ANKRD30B: variants seen among roughly 807,000 people sequenced by gnomAD.
ANKRD30B encodes ankyrin repeat domain-containing protein 30B.
ANKRD30B carries 144 observed loss-of-function variants against 202.2 expected under a neutral mutation model. That is an observed-to-expected ratio of 0.71 (90% confidence interval 0.62 to 0.82). The LOEUF is 0.82. Ranked by LOEUF, ANKRD30B falls within the 40% of genes least tolerant of loss-of-function variation. ANKRD30B has a pLI of 0.00. For missense variants in ANKRD30B, 1,487 were observed against 1,669.1 expected (o/e 0.89, Z 1.90); for synonymous variants, 508 against 561.3 (o/e 0.91, Z 1.34).
At chr18:14,861,476 G>A in the ANKRD30B span, among the ~76,000 whole-genome samples, 3 of 150,628 alleles carry the variant, frequency 2.0e-5, no homozygotes, top group African/African-American at 4.9e-5. Context: ...TGCTATTCTT[G>A]TATCAGATAA....
the ANKRD30B span, among the ~76,000 whole-genome samples, chr18:14,870,240 A>G: frequency 6.6e-6 from 1 of 152,218 alleles, no homozygotes; most frequent in Admixed American, 6.5e-5. Flanking sequence ...ATGGCCTCCC[A>G]AAGTGCTGAG....
At chr18:14,811,498 A>T (rs9676244) in intron 28 of ANKRD30B, among the ~76,000 whole-genome samples, 176 of 142,848 alleles carry the variant, frequency 1.2e-3, no homozygotes, top group East Asian at 2.5e-3. Context: ...GGCGTGAGCC[A>T]CCGCGCCCGG....
At chr18:14,934,674 G>C in the ANKRD30B span, among the ~76,000 whole-genome samples, 2 of 152,112 alleles carry the variant, frequency 1.3e-5, no homozygotes, top group African/African-American at 4.8e-5. Context: ...GGTCAGGGAG[G>C]GGCTGGCATG....
chr18:14,881,740 T>A, the ANKRD30B span, among the ~76,000 whole-genome samples: 2 of 152,050 alleles, frequency 1.3e-5, no homozygotes, highest in African/African-American at 4.8e-5. Context: ...CCTCGGCTTT[T>A]TTTTTTGGAA....
intron 9 of ANKRD30B, among the ~76,000 whole-genome samples, chr18:14,777,428 G>A (rs1447835134): frequency 6.6e-6 from 1 of 151,676 alleles, no homozygotes; most frequent in Non-Finnish European, 1.5e-5. Flanking sequence ...CTCCTGAGTA[G>A]CTGGGATTAC....
chr18:14,770,149 C>T (rs9303859), intron 8 of ANKRD30B, among the ~76,000 whole-genome samples: 148,868 of 152,212 alleles, frequency 0.98, 72,891 homozygotes, highest in Middle Eastern at 1. Flanking sequence ...TTCTATAATC[C>T]TTTCCTGATT....
the ANKRD30B span, among the ~76,000 whole-genome samples, chr18:14,903,208 C>G: frequency 6.6e-6 from 1 of 152,120 alleles, no homozygotes; most frequent in East Asian, 1.9e-4. Flanking sequence ...CCTTCACCCT[C>G]TGAAGGCTTG....
the ANKRD30B span, among the ~76,000 whole-genome samples, chr18:14,866,976 TC>T: frequency 0.98 from 142,070 of 145,648 alleles, 69,397 homozygotes; most frequent in Middle Eastern, 1. Context: ...TGGCAGGCAG[TC>T]CGGGGGTGCT....
At chr18:14,855,317 C>G (rs1972050157), downstream of ANKRD30B, among the ~76,000 whole-genome samples, 1 of 152,360 alleles carries the variant, frequency 6.6e-6, no homozygotes, top group East Asian at 1.9e-4. Context: ...TCTACACAGA[C>G]ACAGTAACAA....
chr18:14,769,681 A>G (rs1035670852), intron 8 of ANKRD30B, among the ~76,000 whole-genome samples: 2 of 152,206 alleles, frequency 1.3e-5, no homozygotes, highest in African/African-American at 4.8e-5. Flanking sequence ...CTCCCTCAGC[A>G]TAGATTGATG....
intron 36 of ANKRD30B, among the ~76,000 whole-genome samples, chr18:14,838,561 A>G (rs1470637069): frequency 2.0e-5 from 3 of 152,184 alleles, no homozygotes; most frequent in African/African-American, 4.8e-5. Context: ...TATGGCTGCC[A>G]TGTTTGCAGC....
At chr18:14,883,000 G>A in the ANKRD30B span, among the ~76,000 whole-genome samples, 4 of 152,138 alleles carry the variant, frequency 2.6e-5, no homozygotes, top group African/African-American at 9.7e-5. Context: ...AAAAACAATT[G>A]TAACTCTCTT....
chr18:14,934,908 C>CACACACACACACACACA, the ANKRD30B span, among the ~76,000 whole-genome samples: 1 of 134,602 alleles, frequency 7.4e-6, no homozygotes, highest in African/African-American at 3.0e-5. Context: ...CCTCCCTCTA[C>CACACACACACACACACA]CACACACACA....
At position 14,787,057 on chromosome 18, in the gene ANKRD30B, A is replaced by G. The variant is rs770759885; in HGVS notation, c.1691A>G (p.Glu564Gly). ...TLRAAQMFPS[E>G]SKQKDDEENS... ...TTTATAGCTCAGATGTTCCCATCAG[A>G]ATCCAAACAAAAGGACGATGAAGAA... Residue 564 changes from glutamate (E) to glycine (G), a missense_variant, in exon 15 of 44, where the codon GAA (glutamate) becomes GGA (glycine). Physicochemically the swap from Glu to Gly is moderately conservative, Grantham distance 98 (BLOSUM62 -2). This residue lies in a region of ANKRD30B where 889 missense variants were observed against 841.4 expected (regional missense o/e 1.06). Transcript: ENST00000690538. The G allele has an allele frequency of 6.2e-7, 1 of 1,609,864 alleles. No homozygotes were observed. The highest frequency in any genetic ancestry group is 1.1e-5 in the South Asian group (1 of 90,774).
chr18:14,799,762 T>A (rs965341902), intron 22 of ANKRD30B, among the ~76,000 whole-genome samples: 3 of 151,716 alleles, frequency 2.0e-5, no homozygotes, highest in Non-Finnish European at 2.9e-5. Flanking sequence ...TGTGTGTGTG[T>A]GACATATAAT....
chr18:14,916,286 AG>A, the ANKRD30B span, among the ~76,000 whole-genome samples: 1 of 152,148 alleles, frequency 6.6e-6, no homozygotes, highest in Admixed American at 6.5e-5. Context: ...CCCGTCAGGG[AG>A]GGGGCAGATG....
chr18:14,915,311 A>AAAG, the ANKRD30B span, among the ~76,000 whole-genome samples: 34 of 152,200 alleles, frequency 2.2e-4, no homozygotes. Flanking sequence ...CTGTCCAGAA[A>AAAG]AAGACACTGC....
chr18:14,896,416 C>A, the ANKRD30B span, among the ~76,000 whole-genome samples: 1 of 152,066 alleles, frequency 6.6e-6, no homozygotes, highest in East Asian at 1.9e-4. Context: ...TAGGGGTGAG[C>A]CACCGCGCCC....
At chr18:14,905,068 A>C in the ANKRD30B span, among the ~76,000 whole-genome samples, 1 of 152,208 alleles carries the variant, frequency 6.6e-6, no homozygotes, top group Non-Finnish European at 1.5e-5. Flanking sequence ...CTTCACTGCT[A>C]CACTCCCACT....
Sources: gnomAD v4.1 joint callset for allele counts (sites outside exome capture counted in the v4.1 genomes callset) on GRCh38, gnomAD v4.1.1 for gene constraint, gnomAD v4.1.1 regional missense constraint, MANE v1.5 for transcripts, NCBI Gene and HGNC (gene_info 2026-07-23, HGNC 2026-07-21) for gene names.